NAP1L1: variants seen among roughly 807,000 people sequenced by gnomAD.
NAP1L1 encodes nucleosome assembly protein 1 like 1, also known as nucleosome assembly protein 1-like 1.
NAP1L1 carries 9 observed loss-of-function variants against 58.9 expected under a neutral mutation model. The ratio of observed to expected loss-of-function variants is 0.15; its 90% confidence interval spans 0.09 to 0.27. NAP1L1 has a LOEUF of 0.27. Among genes scored for constraint, NAP1L1 ranks in the 10% least tolerant of loss-of-function variants. The probability of loss-of-function intolerance (pLI) is 1.00; values close to 1 mark genes in which losing one functional copy is unlikely to be tolerated. For synonymous variants in NAP1L1, 130 were observed against 138.3 expected (o/e 0.94, Z 0.42); for missense variants, 302 against 458.8 (o/e 0.66, Z 3.12).
intron 8 of NAP1L1, 29 bp from the exon 9 acceptor site, chr12:76,053,938 A>G: frequency 3.2e-6 from 5 of 1,587,092 alleles, no homozygotes; most frequent in Non-Finnish European, 3.4e-6. Context: ...AAAATCAGTT[A>G]AATACCTACC....
intron 9 of NAP1L1, 100 bp downstream of exon 9, chr12:76,053,670 A>G: frequency 1.5e-6 from 2 of 1,366,672 alleles, no homozygotes; most frequent in Non-Finnish European, 2.0e-6. Context: ...ATGTTCAGAG[A>G]CAGACTATGT....
At chr12:76,082,015 G>A (rs553146278) in intron 1 of NAP1L1, among the ~76,000 whole-genome samples, 15 of 152,176 alleles carry the variant, frequency 9.9e-5, no homozygotes, top group African/African-American at 3.4e-4. Context: ...GTCCATACAG[G>A]TGCTAGATAG....
At chr12:76,068,779 C>CACACACACACACACACAA in intron 3 of NAP1L1, 130 bp downstream of exon 3, 1 of 643,768 alleles carries the variant, frequency 1.6e-6, no homozygotes, top group African/African-American at 1.9e-5. Flanking sequence ...CACACACACA[C>CACACACACACACACACAA]TAGAAGTATG....
Position 76,049,436 on chromosome 12 carries a change from C to T in NAP1L1, c.1090-186G>A, listed in dbSNP as rs74788030. 1.3e-4 allele frequency: 194 copies of T among 1,535,634 alleles called. 1 individual carries two copies. The African/African-American group carries it at 2.1e-3, about 17-fold the overall frequency. ...AAAAATTTCCCAACACAACTTGAGA[C>T]ATCCAGACAGCTTTTATTGAAAATA... is the stretch of plus-strand genomic sequence containing the variant. On this transcript the variant is annotated intron_variant, in intron 13 of 14. Transcript: ENST00000618691.
chr12:76,072,186 T>C (rs572832137), intron 2 of NAP1L1, among the ~76,000 whole-genome samples: 2 of 144,708 alleles, frequency 1.4e-5, no homozygotes, highest in Admixed American at 7.1e-5. Flanking sequence ...GCATCCTAGA[T>C]TGAGACCAAA....
Position 76,039,197 on chromosome 12 carries a change from A to C in NAP1L1, c.*9232T>G, listed in dbSNP as rs183212532. On this transcript the variant is annotated 3_prime_UTR_variant, in exon 15 of 15. Coordinates refer to ENST00000618691, the MANE Select transcript of NAP1L1 (RefSeq NM_004537.7). ...TCCCTTGGCATTCACACCCAGCTCT[A>C]TTTTATTTACTATCCTACTTTTAGC... 1.3e-5 allele frequency: 2 copies of C among 152,242 alleles called. No individual in the cohort carries two copies. The highest frequency in any genetic ancestry group is 1.3e-4 in the Admixed American group (2 of 15,284). The allele number at this position is 152,242 out of a possible 1,614,324, so 9.4% of individuals were successfully genotyped here. A position where few individuals can be genotyped will look rare whatever the true frequency, so the allele number is the denominator to read the frequency against.
At chr12:76,066,131 A>G (rs906838977) in intron 4 of NAP1L1, among the ~76,000 whole-genome samples, 1 of 94,830 alleles carries the variant, frequency 1.1e-5, no homozygotes, top group Non-Finnish European at 1.9e-5. Flanking sequence ...TAAATAAATA[A>G]ATAAATAAAC....
chr12:76,042,676 TCA>T lies in NAP1L1; in HGVS notation c.*5751_*5752del, dbSNP rs1948561477. 6.6e-6 allele frequency: 1 copy of T among 152,176 alleles called. No individual in the cohort carries two copies. The highest frequency in any genetic ancestry group is 1.5e-5 in the Non-Finnish European group (1 of 68,028). 9.4% of individuals were successfully genotyped at this position (152,176 alleles called of 1,614,324 possible). On this transcript the variant is annotated 3_prime_UTR_variant, in exon 15 of 15. Transcript: ENST00000618691. ...CAACTTCAAAGTATCCACTGTGCGT[TCA>T]GTTTTTATGATACATGTACAAATTT...
intron 4 of NAP1L1, among the ~76,000 whole-genome samples, chr12:76,062,278 C>T (rs140094485): frequency 4.5e-4 from 68 of 152,222 alleles, no homozygotes; most frequent in Middle Eastern, 3.4e-3. Flanking sequence ...ATAAAAATTG[C>T]CTGGACTGGC....
chr12:76,056,777 T>C, intron 6 of NAP1L1: 1 of 369,430 alleles, frequency 2.7e-6, no homozygotes, highest in Non-Finnish European at 5.3e-6. Context: ...CTTTGGGAAG[T>C]GAGGTGGGTG....
intron 1 of NAP1L1, among the ~76,000 whole-genome samples, chr12:76,083,657 T>G (rs1950496396): frequency 6.6e-6 from 1 of 152,122 alleles, no homozygotes; most frequent in Non-Finnish European, 1.5e-5. Flanking sequence ...TAACAACCTT[T>G]TGCTAATAAC....
chr12:76,074,011 T>C (rs1455047257), intron 2 of NAP1L1, 192 bp downstream of exon 2: 2 of 502,542 alleles, frequency 4.0e-6, no homozygotes, highest in East Asian at 3.4e-5. Context: ...TTCGAATATA[T>C]GATCATAAAT....
intron 8 of NAP1L1, among the ~76,000 whole-genome samples, chr12:76,054,424 G>T (rs886304040): frequency 6.6e-6 from 1 of 152,152 alleles, no homozygotes. Context: ...GGTACAAATT[G>T]AACTGAATAG....
intron 2 of NAP1L1, among the ~76,000 whole-genome samples, chr12:76,070,466 T>C (rs932722700): frequency 1.3e-5 from 2 of 152,228 alleles, no homozygotes; most frequent in Non-Finnish European, 2.9e-5. Flanking sequence ...GTGTACACAC[T>C]TAACGGTCAC....
At position 76,055,364 on chromosome 12, in the gene NAP1L1, T is replaced by A. The variant is rs566854030; in HGVS notation, c.559-274A>T. 9.3e-4 allele frequency among the ~76,000 whole-genome samples: 141 copies of A among 152,338 alleles called. 1 individual carries two copies. Among genetic ancestry groups the A allele is most frequent in the Middle Eastern group, 3.4e-3 (1 of 294 alleles). ...CAAAATCAAGTCTAAATAAGGCATA[T>A]CTACTTTTAAAATGTTTCCTGATTG... is the stretch of plus-strand genomic sequence containing the variant. On this transcript the variant is annotated intron_variant, in intron 7 of 14. Coordinates refer to ENST00000618691, the MANE Select transcript of NAP1L1 (RefSeq NM_004537.7).
rs770309863 is a variant in NAP1L1 at position 76,037,787 on chromosome 12, T to G, written c.*10642A>C. ...ATTCCTTCCTAATCACTTCAAACTC[T>G]GATGAGTAGTTATCCAATTTTCACG... On this transcript the variant is annotated 3_prime_UTR_variant, in exon 15 of 15. Transcript: ENST00000618691. The G allele has an allele frequency of 6.6e-6, 1 of 152,216 alleles. No homozygotes were observed. The highest frequency in any genetic ancestry group is 1.5e-5 in the Non-Finnish European group (1 of 68,048). The allele number at this position is 152,216 out of a possible 1,614,324, so 9.4% of individuals were successfully genotyped here. A position where few individuals can be genotyped will look rare whatever the true frequency, so the allele number is the denominator to read the frequency against.
Position 76,041,017 on chromosome 12 carries a change from C to T in NAP1L1, c.*7412G>A, listed in dbSNP as rs111906248. 2.6e-5 allele frequency: 4 copies of T among 152,338 alleles called. No homozygotes were observed. The highest frequency in any genetic ancestry group is 9.6e-5 in the African/African-American group (4 of 41,586). The allele number at this position is 152,338 out of a possible 1,614,324, so 9.4% of individuals were successfully genotyped here. A position where few individuals can be genotyped will look rare whatever the true frequency, so the allele number is the denominator to read the frequency against. On this transcript the variant is annotated 3_prime_UTR_variant, in exon 15 of 15. Coordinates refer to ENST00000618691, the MANE Select transcript of NAP1L1 (RefSeq NM_004537.7). ...GGAATCAGCTTATACATAGATTTGA[C>T]TGAAGGAAGCTGGGGCCCCTAGCCC...
chr12:76,081,203 C>A (rs181634767), intron 1 of NAP1L1, among the ~76,000 whole-genome samples: 1 of 152,174 alleles, frequency 6.6e-6, no homozygotes, highest in African/African-American at 2.4e-5. Flanking sequence ...TAAAAATTAT[C>A]TCATCATAAG....
intron 6 of NAP1L1, chr12:76,057,001 T>C (rs1033975731): frequency 5.0e-6 from 1 of 201,536 alleles, no homozygotes; most frequent in East Asian, 1.4e-4. Flanking sequence ...TCAAAAAAAC[T>C]ATAAAAATAG....
Sources: allele counts gnomAD v4.1 joint callset (sites outside exome capture counted in the v4.1 genomes callset), GRCh38; gene constraint gnomAD v4.1.1; transcripts MANE v1.5; gene names NCBI Gene and HGNC (gene_info 2026-07-23, HGNC 2026-07-21).